MTHFD1L: variants seen among roughly 807,000 people sequenced by gnomAD.
MTHFD1L encodes the protein monofunctional C1-tetrahydrofolate synthase, mitochondrial.
In MTHFD1L, 81 loss-of-function variants were observed where a neutral mutation model predicts 119.5. The observed-to-expected ratio is 0.68, with a 90% CI of 0.57 to 0.82. The LOEUF is 0.82. Among genes scored for constraint, MTHFD1L ranks in the 40% least tolerant of loss-of-function variants. The pLI is 0.00. For missense variants in MTHFD1L, 1,125 were observed against 1,253.4 expected (o/e 0.90, Z 1.55); for synonymous variants, 430 against 475.2 (o/e 0.90, Z 1.24).
chr6:150,927,920 T>A (rs1196740819), intron 11 of MTHFD1L, among the ~76,000 whole-genome samples: 1 of 152,158 alleles, frequency 6.6e-6, no homozygotes, highest in African/African-American at 2.4e-5. Context: ...CCAAGTGCAC[T>A]GATGCAGAAA....
chr6:150,935,987 A>G (rs1350962295), intron 11 of MTHFD1L, among the ~76,000 whole-genome samples: 2 of 152,236 alleles, frequency 1.3e-5, no homozygotes, highest in Non-Finnish European at 2.9e-5. Flanking sequence ...TAATACTGTG[A>G]TGTTATGAAC....
At chr6:150,957,666 G>T (rs554701453) in intron 17 of MTHFD1L, among the ~76,000 whole-genome samples, 1 of 152,272 alleles carries the variant, frequency 6.6e-6, no homozygotes, top group East Asian at 1.9e-4. Flanking sequence ...TGTCCCATGG[G>T]AGAGTTGAAA....
chr6:151,036,118 T>C (rs1172597848), intron 25 of MTHFD1L, among the ~76,000 whole-genome samples: 1 of 152,206 alleles, frequency 6.6e-6, no homozygotes, highest in Non-Finnish European at 1.5e-5. Context: ...CAAGGAAATA[T>C]TCCTTAAAAG....
intron 26 of MTHFD1L, among the ~76,000 whole-genome samples, chr6:151,083,545 G>T (rs1793433673): frequency 6.6e-6 from 1 of 152,074 alleles, no homozygotes; most frequent in African/African-American, 2.4e-5. Context: ...TATCTTTCTG[G>T]TAATGAATAA....
chr6:150,957,966 G>C (rs969271595), intron 17 of MTHFD1L, among the ~76,000 whole-genome samples: 1 of 152,128 alleles, frequency 6.6e-6, no homozygotes, highest in African/African-American at 2.4e-5. Flanking sequence ...GTTTTTTACT[G>C]TTTAGGTACT....
At chr6:150,878,561 A>G (rs909328091) in intron 4 of MTHFD1L, among the ~76,000 whole-genome samples, 4 of 151,992 alleles carry the variant, frequency 2.6e-5, no homozygotes, top group African/African-American at 9.7e-5. Flanking sequence ...CTAGAAGTGT[A>G]TTTTTCTGGG....
chr6:150,943,036 A>G (rs930039347), intron 13 of MTHFD1L, among the ~76,000 whole-genome samples: 5 of 152,094 alleles, frequency 3.3e-5, no homozygotes, highest in Non-Finnish European at 7.4e-5. Context: ...TAATCCCAGC[A>G]CTTTGGGAGT....
chr6:150,955,518 T>TCC, intron 16 of MTHFD1L, among the ~76,000 whole-genome samples: 2 of 117,410 alleles, frequency 1.7e-5, no homozygotes, highest in Non-Finnish European at 3.6e-5. Context: ...TTTTTTTTTT[T>TCC]AGAGGGGGTC....
intron 8 of MTHFD1L, among the ~76,000 whole-genome samples, chr6:150,916,865 G>A (rs372389229): frequency 8.4e-5 from 12 of 143,176 alleles, no homozygotes; most frequent in South Asian, 2.3e-4. Flanking sequence ...CGGTTCAAGC[G>A]ATTCTCCTGC....
intron 20 of MTHFD1L, among the ~76,000 whole-genome samples, chr6:151,005,691 T>C (rs1002879098): frequency 3.3e-5 from 5 of 152,142 alleles, no homozygotes; most frequent in African/African-American, 9.7e-5. Flanking sequence ...GGAGAATCAA[T>C]TGAACCCAGG....
intron 26 of MTHFD1L, among the ~76,000 whole-genome samples, chr6:151,078,164 C>T (rs1276323437): frequency 6.6e-6 from 1 of 151,622 alleles, no homozygotes; most frequent in Non-Finnish European, 1.5e-5. Context: ...CTACCCCTAG[C>T]GCCCTTTTTC....
chr6:150,868,242 G>C (rs987701161), intron 1 of MTHFD1L, among the ~76,000 whole-genome samples: 4 of 152,090 alleles, frequency 2.6e-5, no homozygotes, highest in Non-Finnish European at 5.9e-5. Flanking sequence ...CTTACCTCAA[G>C]GGGTTATGGA....
In MTHFD1L at chr6:150,965,672, A is replaced by AT. The variant is rs1209392319; in HGVS notation, c.2013+635_2013+636insT. ...CGAGACTCCGTCTGAAAAAAAAAAA[A>AT]AGAGAAAGTCAATGTCTAACATTTC... On this transcript the variant is annotated intron_variant, in intron 19 of 27. Transcript: ENST00000367321. Among the ~76,000 whole-genome samples the AT allele has an allele frequency of 2.1e-3, 256 of 119,266 alleles. 2 individuals are homozygous for AT. Among genetic ancestry groups the AT allele is most frequent in the Non-Finnish European group, 4.3e-3 (213 of 49,828 alleles). 78.2% of individuals were successfully genotyped at this position (119,266 alleles called of 152,430 possible). A position where few individuals can be genotyped will look rare whatever the true frequency, so the allele number is the denominator to read the frequency against.
intron 21 of MTHFD1L, among the ~76,000 whole-genome samples, chr6:151,012,764 A>G (rs1782490401): frequency 6.6e-6 from 1 of 152,156 alleles, no homozygotes; most frequent in Non-Finnish European, 1.5e-5. Flanking sequence ...GGGTCACATG[A>G]TTACAGAAGC....
intron 26 of MTHFD1L, among the ~76,000 whole-genome samples, chr6:151,080,107 G>A (rs1051715993): frequency 6.6e-6 from 1 of 151,998 alleles, no homozygotes; most frequent in East Asian, 2.0e-4. Context: ...GAACCTGGGA[G>A]GTGGAGATTT....
chr6:150,951,476 G>A (rs894982100), intron 16 of MTHFD1L, among the ~76,000 whole-genome samples: 1 of 151,968 alleles, frequency 6.6e-6, no homozygotes, highest in African/African-American at 2.4e-5. Context: ...TAGTTTTTTG[G>A]TATAACTCTA....
chr6:151,004,898 C>G (rs938210938), intron 20 of MTHFD1L, among the ~76,000 whole-genome samples: 1 of 152,182 alleles, frequency 6.6e-6, no homozygotes, highest in Non-Finnish European at 1.5e-5. Context: ...CAATTTATTA[C>G]AAGCCTTATT....
At chr6:150,917,351 T>A (rs972492339) in intron 8 of MTHFD1L, among the ~76,000 whole-genome samples, 1 of 152,012 alleles carries the variant, frequency 6.6e-6, no homozygotes, top group East Asian at 1.9e-4. Context: ...GGTGAAACCC[T>A]GTGTCTACTA....
intron 26 of MTHFD1L, among the ~76,000 whole-genome samples, chr6:151,066,085 C>T (rs1791200013): frequency 6.6e-6 from 1 of 152,210 alleles, no homozygotes; most frequent in African/African-American, 2.4e-5. Flanking sequence ...AAAGTGATCT[C>T]CATACTCACA....
Sources: allele counts gnomAD v4.1 joint callset (sites outside exome capture counted in the v4.1 genomes callset), GRCh38; gene constraint gnomAD v4.1.1; transcripts MANE v1.5; gene names NCBI Gene and HGNC (gene_info 2026-07-23, HGNC 2026-07-21).